The following SLC27A2 variants were observed in gnomAD, a reference collection of about 807,000 sequenced individuals.
SLC27A2 encodes solute carrier family 27 member 2.
Under a neutral mutation model 60.0 loss-of-function variants are expected in SLC27A2, and 54 were observed. That is an observed-to-expected ratio of 0.90 (90% CI 0.72 to 1.13). The LOEUF (loss-of-function observed/expected upper bound fraction) is 1.13. Among genes scored for constraint, SLC27A2 ranks in the 50% most tolerant of loss-of-function variants. The pLI, the probability that SLC27A2 is intolerant of heterozygous loss-of-function variation, is 0.00. For synonymous variants in SLC27A2, 297 were observed against 297.6 expected (o/e 1.00, Z 0.02); for missense variants, 739 against 777.6 (o/e 0.95, Z 0.59).
chr15:50,207,982 A>G (rs1380059836), intron 4 of SLC27A2, among the ~76,000 whole-genome samples: 1 of 151,910 alleles, frequency 6.6e-6, no homozygotes, highest in Non-Finnish European at 1.5e-5. Context: ...GATAAAAACT[A>G]GAATGAATGG....
intron 1 of SLC27A2, among the ~76,000 whole-genome samples, chr15:50,197,024 C>T (rs1420831501): frequency 6.6e-6 from 1 of 152,100 alleles, no homozygotes; most frequent in Admixed American, 6.5e-5. Context: ...AGATATACAT[C>T]AGTTACACAC....
chr15:50,204,702 C>T (rs1409334640), intron 3 of SLC27A2, among the ~76,000 whole-genome samples: 1 of 151,334 alleles, frequency 6.6e-6, no homozygotes, highest in African/African-American at 2.4e-5. Context: ...CACTGCACTC[C>T]AGCCTGGGTG....
At chr15:50,189,003 AT>A (rs2044950487) in intron 1 of SLC27A2, among the ~76,000 whole-genome samples, 1 of 151,346 alleles carries the variant, frequency 6.6e-6, no homozygotes, top group Non-Finnish European at 1.5e-5. Flanking sequence ...AGATAGATAG[AT>A]AGATAGATAG....
chr15:50,184,357 G>T (rs2044901652), intron 1 of SLC27A2, among the ~76,000 whole-genome samples: 1 of 152,134 alleles, frequency 6.6e-6, no homozygotes, highest in Non-Finnish European at 1.5e-5. Flanking sequence ...TGGAAGGGAT[G>T]AAGTGTCCAC....
chr15:50,229,722 T>C (rs2045303163), intron 8 of SLC27A2, among the ~76,000 whole-genome samples: 1 of 152,150 alleles, frequency 6.6e-6, no homozygotes, highest in Non-Finnish European at 1.5e-5. Context: ...ATTTATCAAA[T>C]ATATATATAA....
intron 4 of SLC27A2, among the ~76,000 whole-genome samples, chr15:50,212,606 C>T (rs1235168116): frequency 6.6e-6 from 1 of 152,238 alleles, no homozygotes; most frequent in Admixed American, 6.5e-5. Flanking sequence ...AGAAACCCTA[C>T]AAGCTAGAAG....
At chr15:50,220,850 C>G (rs1254752309) in intron 4 of SLC27A2, among the ~76,000 whole-genome samples, 1 of 152,158 alleles carries the variant, frequency 6.6e-6, no homozygotes, top group Non-Finnish European at 1.5e-5. Context: ...GATCTCTGGA[C>G]TTAACGGGAG....
Position 50,235,961 on chromosome 15 carries a change from G to A in SLC27A2, c.1728G>A (p.Met576Ile), listed in dbSNP as rs1337577169. Residue 576 changes from methionine (M) to isoleucine (I), a missense_variant, in exon 10 of 10, where the codon ATG becomes ATA. Transcript: ENST00000267842. ...EITGTFKHRKMTLVEEGFNPA... is the reference protein window; with the variant it reads ...EITGTFKHRKITLVEEGFNPA... ...CTGGAACTTTTAAACACCGCAAAAT[G>A]ACCCTGGTGGAGGAGGGCTTTAACC... 1 of 1,613,702 alleles carries A rather than the reference G, an allele frequency of 6.2e-7. No homozygotes were observed. The highest frequency in any genetic ancestry group is 8.5e-7 in the Non-Finnish European group (1 of 1,179,866).
At chr15:50,195,733 C>T (rs2045009170) in intron 1 of SLC27A2, among the ~76,000 whole-genome samples, 2 of 151,778 alleles carry the variant, frequency 1.3e-5, no homozygotes, top group Non-Finnish European at 2.9e-5. Context: ...ATCTGAAAAA[C>T]AAAGCATATC....
At chr15:50,219,798 C>T (rs2414040) in intron 4 of SLC27A2, among the ~76,000 whole-genome samples, 1 of 152,050 alleles carries the variant, frequency 6.6e-6, no homozygotes, top group Non-Finnish European at 1.5e-5. Flanking sequence ...CCTCTCTGGA[C>T]ATCTTGACCT....
intron 6 of SLC27A2, among the ~76,000 whole-genome samples, chr15:50,226,396 T>A (rs754943120): frequency 7.2e-5 from 11 of 152,204 alleles, no homozygotes; most frequent in Non-Finnish European, 1.3e-4. Context: ...TGTGCGTTTG[T>A]GTAAGTGTGC....
chr15:50,215,888 A>G (rs373983503), intron 4 of SLC27A2, among the ~76,000 whole-genome samples: 107 of 152,346 alleles, frequency 7.0e-4, no homozygotes, highest in South Asian at 4.8e-3. Context: ...AAACCCTTCT[A>G]GACATTGACT....
intron 9 of SLC27A2, 109 bp from the exon 10 acceptor site, chr15:50,235,811 A>G (rs1371513234): frequency 1.4e-6 from 1 of 728,272 alleles, no homozygotes; most frequent in African/African-American, 1.8e-5. Context: ...CACATGAGCC[A>G]GGGATGCTAA....
intron 2 of SLC27A2, among the ~76,000 whole-genome samples, chr15:50,201,973 T>C (rs1055784365): frequency 2.0e-5 from 3 of 152,226 alleles, no homozygotes; most frequent in Non-Finnish European, 4.4e-5. Flanking sequence ...AGCCTTCACA[T>C]CTGTGGATTG....
At position 50,182,556 on chromosome 15, in the gene SLC27A2, G is replaced by A. The variant is rs1487551637; in HGVS notation, c.129G>A (p.Val43=). ...FLKVAAVGRR[V]RSYGKRRPAR... is the part of the protein sequence containing the mutation. ...AGGTGGCCGCCGTGGGCCGGAGGGT[G>A]CGCAGCTACGGGAAGCGGCGGCCGG... Residue 43 remains valine (V), a synonymous_variant, in exon 1 of 10, where the codon GTG becomes GTA. Coordinates refer to ENST00000267842, the MANE Select transcript of SLC27A2 (RefSeq NM_003645.4). 2 of 1,613,038 alleles carry A rather than the reference G, an allele frequency of 1.2e-6. No individual in the cohort carries two copies. The highest frequency in any genetic ancestry group is 2.2e-5 in the East Asian group (1 of 44,858).
chr15:50,229,777 G>T (rs2045304205), intron 8 of SLC27A2, among the ~76,000 whole-genome samples: 1 of 152,100 alleles, frequency 6.6e-6, no homozygotes, highest in African/African-American at 2.4e-5. Flanking sequence ...ACATCAGAGA[G>T]GATTCCAGCC....
In SLC27A2 at chr15:50,182,584, C is replaced by A. The variant is rs1379216968; in HGVS notation, c.157C>A (p.Arg53Ser). ...VRSYGKRRPA[R>S]TILRAFLEKA... ...CAGCTACGGGAAGCGGCGGCCGGCG[C>A]GCACCATCCTGCGGGCGTTCCTGGA... Residue 53 changes from arginine to serine, a missense_variant, in exon 1 of 10, where the codon CGC becomes AGC. Coordinates refer to ENST00000267842, the MANE Select transcript of SLC27A2 (RefSeq NM_003645.4). 6.2e-7 allele frequency: 1 copy of A among 1,612,372 alleles called. No individual in the cohort carries two copies. The highest frequency in any genetic ancestry group is 1.3e-5 in the African/African-American group (1 of 75,048).
intron 8 of SLC27A2, 136 bp downstream of exon 8, chr15:50,229,178 T>G (rs2045299066): frequency 3.3e-6 from 2 of 608,740 alleles, no homozygotes; most frequent in African/African-American, 1.9e-5. Flanking sequence ...AGTAAGGAGC[T>G]TATGTCTGGC....
At chr15:50,215,164 C>T (rs963776646) in intron 4 of SLC27A2, among the ~76,000 whole-genome samples, 1 of 152,134 alleles carries the variant, frequency 6.6e-6, no homozygotes, top group African/African-American at 2.4e-5. Flanking sequence ...CTCTTCTATA[C>T]ACCAACAGCG....
Sources: gnomAD v4.1 joint callset for allele counts (sites outside exome capture counted in the v4.1 genomes callset) on GRCh38, gnomAD v4.1.1 for gene constraint, MANE v1.5 for transcripts, NCBI Gene and HGNC (gene_info 2026-07-23, HGNC 2026-07-21) for gene names.